The following AQP1 variants were observed in gnomAD, a reference collection of about 807,000 sequenced individuals.
The protein encoded by AQP1 is aquaporin 1 (Colton blood group), also known as aquaporin-1.
Under a neutral mutation model 19.7 loss-of-function variants are expected in AQP1, and 11 were observed. The ratio of observed to expected loss-of-function variants is 0.56; its 90% CI spans 0.35 to 0.92. AQP1 has a LOEUF of 0.92. Among genes scored for constraint, AQP1 ranks in the 40% least tolerant of loss-of-function variants. The pLI is 0.01. For synonymous variants in AQP1, 159 were observed against 166.7 expected, an observed-to-expected ratio of 0.95 and a Z score of 0.36; for missense variants, 320 against 369.7, an observed-to-expected ratio of 0.87 and a Z score of 1.10.
At position 30,924,083 on chromosome 7, in the gene AQP1, G is replaced by A. The variant is rs1182121918; in HGVS notation, c.*454G>A. 5 of 1,209,750 alleles carry A rather than the reference G, an allele frequency of 4.1e-6. No individual in the cohort carries two copies. Among genetic ancestry groups the A allele is most frequent in the Non-Finnish European group, 4.2e-6 (4 of 950,330 alleles). 74.9% of individuals were successfully genotyped at this position (1,209,750 alleles called of 1,614,324 possible). On this transcript the variant is annotated 3_prime_UTR_variant, in exon 4 of 4. Transcript: ENST00000311813. ...CTTGCTCCCAATGGTGCTTGGAGGG[G>A]GAAGAGATCCCAGGAGGTGCAGTGG...
At chr7:30,922,885 C>T (rs1420713218) in intron 3 of AQP1, among the ~76,000 whole-genome samples, 3 of 152,244 alleles carry the variant, frequency 2.0e-5, no homozygotes, top group Non-Finnish European at 4.4e-5. Flanking sequence ...CAGGTCTTCC[C>T]AGCTGCGTGG....
rs930818512 is a variant in AQP1, at chr7:30,924,784, G to C, written c.*1155G>C. On this transcript the variant is annotated 3_prime_UTR_variant, in exon 4 of 4. Transcript: ENST00000311813. Reference sequence around the variant, plus strand: ...CTCAGCTGGTCCTGACCAGGATGGAGCAAGCTCTTCCCTTGCTCATGAGCT... The same window carrying C: ...CTCAGCTGGTCCTGACCAGGATGGACCAAGCTCTTCCCTTGCTCATGAGCT... 5.9e-5 allele frequency: 9 copies of C among 152,248 alleles called. No individual in the cohort carries two copies. Among genetic ancestry groups the C allele is most frequent in the African/African-American group, 2.2e-4 (9 of 41,464 alleles). The allele number at this position is 152,248 out of a possible 1,614,324, so 9.4% of individuals were successfully genotyped here. A position where few individuals can be genotyped will look rare whatever the true frequency, so the allele number is the denominator to read the frequency against.
chr7:30,918,590 G>A (rs542418883), intron 1 of AQP1, among the ~76,000 whole-genome samples: 3 of 152,320 alleles, frequency 2.0e-5, no homozygotes, highest in Admixed American at 6.5e-5. Flanking sequence ...CCTTGAGAAC[G>A]AAAGCTCAGA....
chr7:30,912,591 C>T lies in AQP1; in HGVS notation c.384+298C>T, dbSNP rs1178610711. Among the ~76,000 whole-genome samples, 2 of 152,216 alleles carry T rather than the reference C, an allele frequency of 1.3e-5. No individual in the cohort carries two copies. Among genetic ancestry groups the T allele is most frequent in the African/African-American group, 2.4e-5 (1 of 41,454 alleles). On this transcript the variant is annotated intron_variant, in intron 1 of 3. Transcript: ENST00000311813. This position sits in a 1 kb window ranked among gnomAD's most constrained non-coding sequence, Gnocchi z 4.3. Reference sequence around the variant, plus strand: ...ATAAGCTTGGCCAGCAGTTCCTCGCCCCTTGGCTGTAGCTTTTTGGCCCTT... The same window carrying T: ...ATAAGCTTGGCCAGCAGTTCCTCGCTCCTTGGCTGTAGCTTTTTGGCCCTT...
chr7:30,921,825 C>T, intron 1 of AQP1: 1 of 1,550,196 alleles, frequency 6.5e-7, no homozygotes, highest in East Asian at 2.4e-5. Flanking sequence ...AGAGTGGGGC[C>T]TGGGTCTAGG....
chr7:30,917,380 G>A (rs1482480415), intron 1 of AQP1, among the ~76,000 whole-genome samples: 1 of 152,214 alleles, frequency 6.6e-6, no homozygotes, highest in Non-Finnish European at 1.5e-5. Context: ...AGGAAAAGAA[G>A]GAGGGAGGGA....
In AQP1 at chr7:30,922,050, C is replaced by A. The variant is rs1419276962; in HGVS notation, c.385-16C>A. On this transcript the variant is annotated splice_polypyrimidine_tract_variant and intron_variant, in intron 1 of 3. Transcript: ENST00000311813. ...CTACCCTCCTCACCAGTCCTCACCA[C>A]CTCTCTCCCCTGCAGCTGGCTGATG... 1 of 1,613,624 alleles carries A rather than the reference C, an allele frequency of 6.2e-7. No homozygotes were observed. The highest frequency in any genetic ancestry group is 8.5e-7 in the Non-Finnish European group (1 of 1,180,022).
chr7:30,922,906 G>A (rs937686429), intron 3 of AQP1, among the ~76,000 whole-genome samples: 18 of 152,200 alleles, frequency 1.2e-4, no homozygotes, highest in African/African-American at 4.3e-4. Context: ...TTAAAAGTGG[G>A]GCTCCAAATC....
At position 30,924,531 on chromosome 7, in the gene AQP1, T is replaced by C. The variant is rs958806907; in HGVS notation, c.*902T>C. ...GGTGAAGGAGAAATACCCATGTTAC[T>C]TCTCTGAGTTTTAGTTGGTCTTTCC... On this transcript the variant is annotated 3_prime_UTR_variant, in exon 4 of 4. Coordinates refer to ENST00000311813, the MANE Select transcript of AQP1 (RefSeq NM_198098.4). The C allele has an allele frequency of 4.6e-5, 7 of 152,544 alleles. No homozygotes were observed. The highest frequency in any genetic ancestry group is 1.7e-4 in the African/African-American group (7 of 41,476). 9.4% of individuals were successfully genotyped at this position (152,544 alleles called of 1,614,324 possible).
At chr7:30,916,056 A>G (rs28362710) in intron 1 of AQP1, among the ~76,000 whole-genome samples, 2,809 of 152,266 alleles carry the variant, frequency 0.018, 75 homozygotes, top group African/African-American at 0.063. Context: ...TTCCCTCACC[A>G]TGGAAAATCC....
chr7:30,919,967 T>C (rs1389792233), intron 1 of AQP1, among the ~76,000 whole-genome samples: 3 of 152,150 alleles, frequency 2.0e-5, no homozygotes, highest in African/African-American at 7.2e-5. Flanking sequence ...CATTCCAGAA[T>C]TCCCAGGGCA....
In AQP1 at chr7:30,923,591, G is replaced by A. The variant is rs760999882; in HGVS notation, c.772G>A (p.Asp258Asn). Reference sequence around the variant, plus strand: ...GGTGGAGGAGTATGACCTGGATGCCGACGACATCAACTCCAGGGTGGAGAT... The same window carrying A: ...GGTGGAGGAGTATGACCTGGATGCCAACGACATCAACTCCAGGGTGGAGAT... ...GQVEEYDLDA[D>N]DINSRVEMKP... is the part of the protein sequence containing the mutation. Residue 258 changes from aspartate (D) to asparagine (N), a missense_variant, in exon 4 of 4, where the codon GAC becomes AAC. Coordinates refer to ENST00000311813, the MANE Select transcript of AQP1 (RefSeq NM_198098.4). The surrounding 1 kb of genome is among the most constrained non-coding windows in gnomAD (Gnocchi z 4.8). The A allele has an allele frequency of 1.9e-5, 30 of 1,603,548 alleles. No individual in the cohort carries two copies. In the Admixed American group the frequency reaches 2.7e-4, roughly 14 times the overall value.
chr7:30,922,248 C>G lies in AQP1; in HGVS notation c.549+18C>G. 1 of 1,580,174 alleles carries G rather than the reference C, an allele frequency of 6.3e-7. No individual in the cohort carries two copies. ...TCCTGGCTGTGAGTCAGGGGCCCTCCCAGATGGAGGTGGGGGAAGGGAGGG... is the reference window on the plus strand; with the variant it reads ...TCCTGGCTGTGAGTCAGGGGCCCTCGCAGATGGAGGTGGGGGAAGGGAGGG... On this transcript the variant is annotated intron_variant, in intron 2 of 3. Coordinates refer to ENST00000311813, the MANE Select transcript of AQP1 (RefSeq NM_198098.4).
intron 1 of AQP1, chr7:30,921,262 C>T: frequency 5.0e-6 from 6 of 1,209,520 alleles, no homozygotes; most frequent in Non-Finnish European, 6.2e-6. Context: ...GACCTCACAG[C>T]AGCTTCCATT....
In AQP1 at chr7:30,925,442, C is replaced by T. The variant is rs1791652831; in HGVS notation, c.*1813C>T. 6.6e-6 allele frequency: 1 copy of T among 152,294 alleles called. No homozygotes were observed. The allele number at this position is 152,294 out of a possible 1,614,324, so 9.4% of individuals were successfully genotyped here. On this transcript the variant is annotated 3_prime_UTR_variant, in exon 4 of 4. Coordinates refer to ENST00000311813, the MANE Select transcript of AQP1 (RefSeq NM_198098.4). ...CACACCAAGGCCCTGCATCTGTCTG[C>T]TCTGCATATATGTCTCTTTGGAGTT...
intron 1 of AQP1, among the ~76,000 whole-genome samples, chr7:30,915,941 G>C (rs957930556): frequency 2.6e-5 from 4 of 152,138 alleles, no homozygotes; most frequent in African/African-American, 9.7e-5. Flanking sequence ...CCAGGGAGGG[G>C]CTGGGGGCTG....
intron 1 of AQP1, among the ~76,000 whole-genome samples, chr7:30,916,694 G>A (rs1475594323): frequency 2.6e-5 from 4 of 152,194 alleles, no homozygotes; most frequent in African/African-American, 4.8e-5. Flanking sequence ...AAATGCCCCC[G>A]GCCCTTCCAG....
At chr7:30,913,009 G>A (rs1471754804) in intron 1 of AQP1, among the ~76,000 whole-genome samples, 2 of 152,020 alleles carry the variant, frequency 1.3e-5, no homozygotes, top group African/African-American at 2.4e-5. Context: ...TGTGTGTGAA[G>A]GTGTGTATGT....
intron 1 of AQP1, chr7:30,913,469 A>G: frequency 6.6e-6 from 1 of 152,592 alleles, no homozygotes; most frequent in Non-Finnish European, 1.5e-5. Context: ...TAGAGAGATG[A>G]GGCTGGCGGG....
Sources: allele counts gnomAD v4.1 joint callset (sites outside exome capture counted in the v4.1 genomes callset), GRCh38; gene constraint gnomAD v4.1.1; non-coding constraint Gnocchi (gnomAD v3.1); transcripts MANE v1.5; gene names NCBI Gene and HGNC (gene_info 2026-07-23, HGNC 2026-07-21).